Variants in SORL1 observed in about 807,000 individuals in gnomAD.
SORL1 encodes sortilin-related receptor.
In SORL1, 127 loss-of-function variants were observed where a neutral mutation model predicts 273.7. The ratio of observed to expected loss-of-function variants is 0.46; its 90% CI spans 0.40 to 0.54. The LOEUF (loss-of-function observed/expected upper bound fraction) is 0.54. SORL1 is among the 20% of genes least tolerant of loss of function. The probability of loss-of-function intolerance (pLI) is 0.00; values close to 1 mark genes in which losing one functional copy is unlikely to be tolerated. For synonymous variants in SORL1, 1,031 were observed against 1,067.4 expected, an observed-to-expected ratio of 0.97 and a Z score of 0.66; for missense variants, 2,494 against 2,846.1, an observed-to-expected ratio of 0.88 and a Z score of 2.81.
Position 121,545,313 on chromosome 11 carries a change from G to A in SORL1, c.1935G>A (p.Leu645=). The A allele has an allele frequency of 6.2e-7, 1 of 1,614,156 alleles. No individual in the cohort carries two copies. The change falls in exon 14 of 48, where the codon CTG becomes CTA. Residue 645 remains leucine, a synonymous_variant. Coordinates refer to ENST00000260197, the MANE Select transcript of SORL1 (RefSeq NM_003105.6). ...ATGAGCGGGGGAATGAGTGTTTGCT[G>A]GGACACAAGACTGTTTTCAAACGGC... ...PSDERGNECL[L]GHKTVFKRRT... is the part of the protein sequence containing the mutation.
In SORL1 at chr11:121,588,254, T is replaced by C. The variant is rs546100910; in HGVS notation, c.3946+103T>C. 898 of 1,381,188 alleles carry C rather than the reference T, an allele frequency of 6.5e-4. 3 individuals are homozygous for C. Among genetic ancestry groups the C allele is most frequent in the Middle Eastern group, 4.3e-3 (24 of 5,540 alleles). The allele number at this position is 1,381,188 out of a possible 1,614,324, so 85.6% of individuals were successfully genotyped here. ...GTCTCTATTTAATAACTGACAGGTCTTGGTTGAGTGTCGAGGGTTTGACCA... is the reference window on the plus strand; with the variant it reads ...GTCTCTATTTAATAACTGACAGGTCCTGGTTGAGTGTCGAGGGTTTGACCA... On this transcript the variant is annotated intron_variant, in intron 28 of 47. Coordinates refer to ENST00000260197, the MANE Select transcript of SORL1 (RefSeq NM_003105.6).
chr11:121,463,057 A>G (rs1286319954), intron 1 of SORL1, among the ~76,000 whole-genome samples: 1 of 152,144 alleles, frequency 6.6e-6, no homozygotes, highest in Non-Finnish European at 1.5e-5. Flanking sequence ...ACGTAGGGCA[A>G]GTCCTGGCTT....
intron 35 of SORL1, 100 bp from the exon 36 acceptor site, chr11:121,606,745 G>A (rs973276062): frequency 2.5e-5 from 19 of 774,114 alleles, no homozygotes; most frequent in African/African-American, 8.6e-5. Context: ...TCTCAATGCC[G>A]GCTGTGGAGT....
chr11:121,610,155 C>G (rs1863540295), intron 38 of SORL1: 1 of 152,202 alleles, frequency 6.6e-6, no homozygotes, highest in African/African-American at 2.4e-5. Context: ...CTCTCTTGCC[C>G]AGTCTATAGA....
In SORL1 at chr11:121,625,128, C is replaced by T. The variant is rs376084159; in HGVS notation, c.6215C>T (p.Ala2072Val). 94 of 1,613,238 alleles carry T rather than the reference C, an allele frequency of 5.8e-5. No individual in the cohort carries two copies. Among genetic ancestry groups the T allele is most frequent in the Non-Finnish European group, 7.5e-5 (89 of 1,179,376 alleles). ...TTTGATAGTGCCATGAATATCACAG[C>T]TTACCTTGGGAATACTACTGACAAT... Reference protein sequence around the residue: ...HMFDSAMNITAYLGNTTDNFF... With the variant: ...HMFDSAMNITVYLGNTTDNFF... The change falls in exon 46 of 48, where the codon GCT (alanine) becomes GTT (valine). Residue 2072 changes from alanine to valine, a missense_variant. Transcript: ENST00000260197.
At chr11:121,514,427 G>A (rs1336315822) in intron 8 of SORL1, 106 bp downstream of exon 8, 4 of 1,189,406 alleles carry the variant, frequency 3.4e-6, no homozygotes, top group African/African-American at 3.1e-5. Context: ...GGATACACCC[G>A]GGGAGCTTTC....
chr11:121,478,988 C>A (rs1210081640), intron 3 of SORL1, among the ~76,000 whole-genome samples: 1 of 133,746 alleles, frequency 7.5e-6, no homozygotes, highest in Non-Finnish European at 1.6e-5. Flanking sequence ...ACGTGGGTAC[C>A]CACGTGCGTG....
intron 32 of SORL1, among the ~76,000 whole-genome samples, chr11:121,597,282 A>G (rs1194822317): frequency 1.3e-5 from 2 of 152,184 alleles, no homozygotes; most frequent in Non-Finnish European, 2.9e-5. Context: ...GGCTTGGTTA[A>G]GAGGAAGGAG....
intron 6 of SORL1, among the ~76,000 whole-genome samples, chr11:121,498,704 C>T (rs1029002409): frequency 1.3e-5 from 2 of 151,954 alleles, no homozygotes; most frequent in South Asian, 2.1e-4. Flanking sequence ...GGTGAAACCC[C>T]GTCTCTACTA....
chr11:121,516,675 T>C (rs1196133761), intron 8 of SORL1, among the ~76,000 whole-genome samples: 1 of 152,236 alleles, frequency 6.6e-6, no homozygotes, highest in Admixed American at 6.5e-5. Context: ...CCTGCCATGA[T>C]ACATTTTGAT....
At chr11:121,577,897 T>C (rs1259040901) in intron 25 of SORL1, among the ~76,000 whole-genome samples, 2 of 152,204 alleles carry the variant, frequency 1.3e-5, no homozygotes, top group Non-Finnish European at 2.9e-5. Context: ...CATTCTTTTG[T>C]TGGGTTCGCT....
intron 3 of SORL1, among the ~76,000 whole-genome samples, chr11:121,486,474 TTC>T (rs1389846855): frequency 1.3e-5 from 2 of 151,180 alleles, no homozygotes; most frequent in Non-Finnish European, 3.0e-5. Flanking sequence ...CTCTGTTTCT[TTC>T]TTTCTTTTTT....
At chr11:121,560,314 C>A (rs2134911788) in intron 21 of SORL1, among the ~76,000 whole-genome samples, 1 of 152,320 alleles carries the variant, frequency 6.6e-6, no homozygotes, top group Non-Finnish European at 1.5e-5. Context: ...CAGTAGCTGT[C>A]TTAGAGATCT....
chr11:121,542,242 A>G (rs1243311891), intron 12 of SORL1, among the ~76,000 whole-genome samples: 1 of 152,242 alleles, frequency 6.6e-6, no homozygotes, highest in African/African-American at 2.4e-5. Flanking sequence ...TGAACTCGGT[A>G]TGACTTATAG....
intron 32 of SORL1, among the ~76,000 whole-genome samples, chr11:121,598,043 C>T (rs764230890): frequency 1.3e-5 from 2 of 152,078 alleles, no homozygotes; most frequent in Non-Finnish European, 2.9e-5. Flanking sequence ...GTGGGTGGGA[C>T]AAAGGTGAGT....
chr11:121,455,727 TC>T (rs889715301), intron 1 of SORL1, among the ~76,000 whole-genome samples: 38 of 152,260 alleles, frequency 2.5e-4, no homozygotes, highest in Admixed American at 2.5e-3. Flanking sequence ...TGTTCAAGGC[TC>T]ACGCCTGTAA....
At chr11:121,612,151 A>G (rs1447330190) in intron 39 of SORL1, 1 of 152,624 alleles carries the variant, frequency 6.6e-6, no homozygotes, top group Non-Finnish European at 1.5e-5. Context: ...AAAAAAAGAA[A>G]AAAAGAAAAG....
intron 16 of SORL1, among the ~76,000 whole-genome samples, chr11:121,552,716 A>G (rs1355803201): frequency 6.6e-6 from 1 of 151,944 alleles, no homozygotes; most frequent in Non-Finnish European, 1.5e-5. Flanking sequence ...AGGTAGATTT[A>G]TTTTTTGATG....
At chr11:121,552,303 C>T (rs1862518557) in intron 16 of SORL1, among the ~76,000 whole-genome samples, 1 of 152,190 alleles carries the variant, frequency 6.6e-6, no homozygotes. Flanking sequence ...ACTATGAAAA[C>T]ACACATTCCT....
Sources: allele counts gnomAD v4.1 joint callset (sites outside exome capture counted in the v4.1 genomes callset), GRCh38; gene constraint gnomAD v4.1.1; transcripts MANE v1.5; gene names NCBI Gene and HGNC (gene_info 2026-07-23, HGNC 2026-07-21).